SFXN1: variants seen among roughly 807,000 people sequenced by gnomAD.
The protein encoded by SFXN1 is sideroflexin 1.
SFXN1 carries 32 observed loss-of-function variants against 39.5 expected under a neutral mutation model. The observed-to-expected ratio is 0.81, with a 90% CI of 0.61 to 1.09. SFXN1 has a LOEUF of 1.09. Among genes scored for constraint, SFXN1 ranks in the 50% least tolerant of loss-of-function variants. SFXN1 has a pLI of 0.00. For synonymous variants in SFXN1, 136 were observed against 146.5 expected (o/e 0.93, Z 0.52); for missense variants, 402 against 407.1 (o/e 0.99, Z 0.11).
intron 1 of SFXN1, among the ~76,000 whole-genome samples, chr5:175,482,678 G>A (rs780465107): frequency 6.6e-6 from 1 of 152,126 alleles, no homozygotes; most frequent in Non-Finnish European, 1.5e-5. Flanking sequence ...ATACTCTTCA[G>A]TTTGCTGATC....
chr5:175,504,168 T>A (rs1430149432), intron 2 of SFXN1, among the ~76,000 whole-genome samples: 3 of 152,246 alleles, frequency 2.0e-5, no homozygotes, highest in Admixed American at 1.3e-4. Context: ...TCACATTCTA[T>A]TAACTGTTCG....
chr5:175,511,372 T>C, intron 4 of SFXN1, 79 bp from the exon 5 acceptor site: 1 of 1,075,582 alleles, frequency 9.3e-7, no homozygotes, highest in South Asian at 1.3e-5. Flanking sequence ...ATATTTCCCT[T>C]TTATTTCTTC....
intron 2 of SFXN1, among the ~76,000 whole-genome samples, chr5:175,507,194 T>C (rs561197643): frequency 7.9e-5 from 12 of 152,242 alleles, no homozygotes; most frequent in African/African-American, 2.9e-4. Flanking sequence ...CTGTGTCTGA[T>C]TGCACATGGC....
In SFXN1 at chr5:175,527,915, ATTT is replaced by A. The variant is rs879019439; in HGVS notation, c.*1201_*1203del. The stretch of plus-strand genomic sequence containing the variant: ...GAATTCAACCAAGTTTGGATGGAAA[ATTT>A]TTTTTTTTTTTTTTTTTTTGAGACG... On this transcript the variant is annotated 3_prime_UTR_variant, in exon 11 of 11. Transcript: ENST00000321442. 2.5e-5 allele frequency: 3 copies of A among 121,212 alleles called. No individual in the cohort carries two copies. Among genetic ancestry groups the A allele is most frequent in the Non-Finnish European group, 3.3e-5 (2 of 60,638 alleles). 7.5% of individuals were successfully genotyped at this position (121,212 alleles called of 1,614,324 possible). A position where few individuals can be genotyped will look rare whatever the true frequency, so the allele number is the denominator to read the frequency against.
intron 10 of SFXN1, among the ~76,000 whole-genome samples, chr5:175,526,121 T>C (rs1761049581): frequency 1.4e-5 from 2 of 141,650 alleles, no homozygotes; most frequent in Admixed American, 6.9e-5. Context: ...TATAAATGTT[T>C]TGGTTTTTTT....
chr5:175,520,166 C>T (rs1760836206), intron 8 of SFXN1, among the ~76,000 whole-genome samples: 1 of 151,682 alleles, frequency 6.6e-6, no homozygotes, highest in Admixed American at 6.6e-5. Context: ...CCACACCCAG[C>T]CTGACTTTTG....
At chr5:175,510,250 T>C in intron 4 of SFXN1, 43 bp downstream of exon 4, 1 of 1,483,512 alleles carries the variant, frequency 6.7e-7, no homozygotes, top group Non-Finnish European at 9.3e-7. Context: ...TTCTTCAACC[T>C]TCATTTTATT....
Position 175,528,350 on chromosome 5 carries a change from A to C in SFXN1, c.*1616A>C, listed in dbSNP as rs1038656248. 1 of 152,216 alleles carries C rather than the reference A, an allele frequency of 6.6e-6. No homozygotes were observed. The highest frequency in any genetic ancestry group is 1.5e-5 in the Non-Finnish European group (1 of 68,038). 9.4% of individuals were successfully genotyped at this position (152,216 alleles called of 1,614,324 possible). ...TAAGCAATCTAGAGATGATTTAGCAAGTATACAGGAGGATGTGCCTAGGTT... is the reference window on the plus strand; with the variant it reads ...TAAGCAATCTAGAGATGATTTAGCACGTATACAGGAGGATGTGCCTAGGTT... On this transcript the variant is annotated 3_prime_UTR_variant, in exon 11 of 11. Transcript: ENST00000321442.
In SFXN1 at chr5:175,527,757, C is replaced by T. The variant is rs1339225398; in HGVS notation, c.*1023C>T. 6.6e-6 allele frequency: 1 copy of T among 152,030 alleles called. No homozygotes were observed. Among genetic ancestry groups the T allele is most frequent in the Non-Finnish European group, 1.5e-5 (1 of 68,006 alleles). The allele number at this position is 152,030 out of a possible 1,614,324, so 9.4% of individuals were successfully genotyped here. ...CCACTTCATTTGAAAATAATGAAAC[C>T]ATGTACCACTGTTTACATCATCTGT... On this transcript the variant is annotated 3_prime_UTR_variant, in exon 11 of 11. Transcript: ENST00000321442.
intron 8 of SFXN1, among the ~76,000 whole-genome samples, chr5:175,517,539 A>T (rs900623970): frequency 6.6e-5 from 10 of 152,062 alleles, no homozygotes; most frequent in African/African-American, 2.4e-4. Flanking sequence ...TCAATGAGAG[A>T]TATTGCTCTG....
chr5:175,517,263 A>G (rs1760739736), intron 8 of SFXN1, among the ~76,000 whole-genome samples: 1 of 152,094 alleles, frequency 6.6e-6, no homozygotes, highest in South Asian at 2.1e-4. Context: ...ATGAATAACT[A>G]TTGTGTTCTC....
In SFXN1 at chr5:175,502,611, G is replaced by A. The variant is rs559323278; in HGVS notation, c.165-6421G>A. 2.1e-4 allele frequency among the ~76,000 whole-genome samples: 32 copies of A among 152,114 alleles called. 1 individual carries two copies. In the South Asian group the frequency reaches 6.0e-3, roughly 29 times the overall value. ...TCCCAGCACTTGGGGAGGCGGAGGCGGGAGGATTGCCTGAGCTCAGGAGTT... is the reference window on the plus strand; with the variant it reads ...TCCCAGCACTTGGGGAGGCGGAGGCAGGAGGATTGCCTGAGCTCAGGAGTT... On this transcript the variant is annotated intron_variant, in intron 2 of 10. Coordinates refer to ENST00000321442, the MANE Select transcript of SFXN1 (RefSeq NM_022754.7).
At chr5:175,524,139 T>G in intron 10 of SFXN1, 1 of 18,796 alleles carries the variant, frequency 5.3e-5, no homozygotes. Flanking sequence ...TATATATATA[T>G]ATATATATAT....
rs765708084 is a variant in SFXN1, at chr5:175,512,169, G to A, written c.569G>A (p.Cys190Tyr). The A allele has an allele frequency of 1.9e-6, 3 of 1,614,142 alleles. No individual in the cohort carries two copies. Among genetic ancestry groups the A allele is most frequent in the South Asian group, 2.2e-5 (2 of 91,084 alleles). ...TTTGCTGCCGTAGCTGCTGCTAATT[G>A]CATTAATATTCCATTAATGAGGCAA... Reference protein sequence around the residue: ...VPFAAVAAANCINIPLMRQRE... With the variant: ...VPFAAVAAANYINIPLMRQRE... Residue 190 changes from cysteine to tyrosine, a missense_variant, in exon 6 of 11, where the codon TGC (cysteine) becomes TAC (tyrosine). Cys to Tyr is a radical substitution (Grantham distance 194, BLOSUM62 -2). Coordinates refer to ENST00000321442, the MANE Select transcript of SFXN1 (RefSeq NM_022754.7).
At chr5:175,507,267 A>G (rs1296257481) in intron 2 of SFXN1, among the ~76,000 whole-genome samples, 1 of 152,068 alleles carries the variant, frequency 6.6e-6, no homozygotes, top group African/African-American at 2.4e-5. Context: ...GCCGTTTGGC[A>G]TTTGAACTAA....
At position 175,513,490 on chromosome 5, in the gene SFXN1, G is replaced by A. The variant is rs367698228; in HGVS notation, c.624G>A (p.Thr208=). ...QRELKVGIPV[T]DENGNRLGES... ...AACTCAAAGTTGGCATTCCCGTCAC[G>A]GATGAGAATGGGAACCGCTTGGGGG... The change falls in exon 7 of 11, where the codon ACG becomes ACA. Residue 208 remains threonine (T), a synonymous_variant. Coordinates refer to ENST00000321442, the MANE Select transcript of SFXN1 (RefSeq NM_022754.7). 96 of 1,613,788 alleles carry A rather than the reference G, an allele frequency of 5.9e-5. No individual in the cohort carries two copies. The highest frequency in any genetic ancestry group is 1.3e-4 in the African/African-American group (10 of 74,960).
In SFXN1 at chr5:175,507,682, G is replaced by A. The variant is rs146071109; in HGVS notation, c.165-1350G>A. ...GCACCTAATTTTTTTTTCATCAAGA[G>A]TCTTCTGAGGCTGGGCATGGTGGCC... is the stretch of plus-strand genomic sequence containing the variant. On this transcript the variant is annotated intron_variant, in intron 2 of 10. Coordinates refer to ENST00000321442, the MANE Select transcript of SFXN1 (RefSeq NM_022754.7). Among the ~76,000 whole-genome samples, 520 of 152,048 alleles carry A rather than the reference G, an allele frequency of 3.4e-3. 3 individuals carry two copies. The highest frequency in any genetic ancestry group is 0.012 in the African/African-American group (500 of 41,518).
chr5:175,512,856 A>G (rs920685248), intron 6 of SFXN1, among the ~76,000 whole-genome samples: 1 of 152,164 alleles, frequency 6.6e-6, no homozygotes, highest in Non-Finnish European at 1.5e-5. Flanking sequence ...AAGTTGCTCA[A>G]ATTTGCACAT....
chr5:175,482,630 T>C (rs147828840), intron 1 of SFXN1, among the ~76,000 whole-genome samples: 1 of 152,282 alleles, frequency 6.6e-6, no homozygotes, highest in African/African-American at 2.4e-5. Flanking sequence ...GATCCCACTT[T>C]TGTTTGGTAA....
Sources: allele counts gnomAD v4.1 joint callset (sites outside exome capture counted in the v4.1 genomes callset), GRCh38; gene constraint gnomAD v4.1.1; transcripts MANE v1.5; gene names NCBI Gene and HGNC (gene_info 2026-07-23, HGNC 2026-07-21).